Variants in TLCD4 observed in about 807,000 individuals in gnomAD.
TLCD4 encodes TLC domain-containing protein 4.
TLCD4 carries 7 observed loss-of-function variants against 24.2 expected under a neutral mutation model. The observed-to-expected ratio is 0.29, with a 90% CI of 0.16 to 0.54. The LOEUF (loss-of-function observed/expected upper bound fraction) is 0.54. Ranked by LOEUF, TLCD4 falls within the 20% of genes least tolerant of loss-of-function variation. The pLI is 0.95. For missense variants in TLCD4, 259 were observed against 313.9 expected (o/e 0.82, Z 1.32); for synonymous variants, 103 against 106.4 (o/e 0.97, Z 0.20).
At chr1:95,187,778 T>C (rs985188991) in intron 6 of TLCD4, among the ~76,000 whole-genome samples, 1 of 152,042 alleles carries the variant, frequency 6.6e-6, no homozygotes, top group Non-Finnish European at 1.5e-5. Context: ...AATGCCACAG[T>C]CTGGGTGGCT....
intron 6 of TLCD4, among the ~76,000 whole-genome samples, chr1:95,177,884 T>G (rs2101000938): frequency 6.6e-6 from 1 of 152,148 alleles, no homozygotes; most frequent in South Asian, 2.1e-4. Context: ...AGGTTTGGCA[T>G]TAGTGTGTTT....
At chr1:95,149,178 A>G (rs1677427641) in intron 3 of TLCD4, among the ~76,000 whole-genome samples, 1 of 152,158 alleles carries the variant, frequency 6.6e-6, no homozygotes, top group South Asian at 2.1e-4. Context: ...TGTTTGACTC[A>G]TTTGATATCA....
intron 6 of TLCD4, among the ~76,000 whole-genome samples, chr1:95,181,381 A>T (rs1400528526): frequency 6.6e-6 from 1 of 151,794 alleles, no homozygotes; most frequent in African/African-American, 2.4e-5. Context: ...TATGCAATAG[A>T]AAAAAAGTAT....
upstream of TLCD4, chr1:95,117,190 C>A (rs1415775224): frequency 6.6e-6 from 1 of 152,228 alleles, no homozygotes; most frequent in Non-Finnish European, 1.5e-5. Flanking sequence ...CTTCCAGGAT[C>A]TCTCCGCTGC....
chr1:95,174,017 C>G, intron 6 of TLCD4, 128 bp downstream of exon 6: 1 of 1,313,600 alleles, frequency 7.6e-7, no homozygotes, highest in Middle Eastern at 1.9e-4. Context: ...TTGTTATCAC[C>G]ATCATACAAA....
chr1:95,125,531 G>C (rs544366350), intron 1 of TLCD4: 1 of 152,328 alleles, frequency 6.6e-6, no homozygotes, highest in South Asian at 2.1e-4. Context: ...TCAAGAGGAG[G>C]AGGGAAAGAG....
At chr1:95,177,951 G>GTT (rs202047214) in intron 6 of TLCD4, among the ~76,000 whole-genome samples, 1 of 110,510 alleles carries the variant, frequency 9.0e-6, no homozygotes, top group Non-Finnish European at 1.9e-5. Flanking sequence ...TTTTTTTTTT[G>GTT]TTTTTTTTTG....
At chr1:95,115,862 G>A (rs1676419422), upstream of TLCD4, among the ~76,000 whole-genome samples, 1 of 152,180 alleles carries the variant, frequency 6.6e-6, no homozygotes, top group Admixed American at 6.5e-5. Flanking sequence ...AGAGGACACT[G>A]TGAAATTGGT....
At chr1:95,144,883 G>A (rs1480944244) in intron 2 of TLCD4, among the ~76,000 whole-genome samples, 1 of 151,888 alleles carries the variant, frequency 6.6e-6, no homozygotes, top group Non-Finnish European at 1.5e-5. Context: ...TAGAGACAGG[G>A]TTTCACTAGG....
the TLCD4 span, among the ~76,000 whole-genome samples, chr1:95,105,171 G>A: frequency 6.6e-6 from 1 of 152,182 alleles, no homozygotes. Flanking sequence ...ACCAGCCTGG[G>A]AAAAGATCAA....
intron 6 of TLCD4, among the ~76,000 whole-genome samples, chr1:95,178,563 C>CTCTTT (rs1553172494): frequency 2.4e-5 from 2 of 82,360 alleles, no homozygotes; most frequent in African/African-American, 9.9e-5. Flanking sequence ...ATGCCCAGCC[C>CTCTTT]TTTTTTTTTT....
chr1:95,121,624 C>G (rs1007965456), intron 1 of TLCD4, among the ~76,000 whole-genome samples: 4 of 152,216 alleles, frequency 2.6e-5, no homozygotes, highest in Non-Finnish European at 4.4e-5. Context: ...GCACCCGCCA[C>G]CACCCCGGGC....
chr1:95,105,901 A>C, the TLCD4 span, among the ~76,000 whole-genome samples: 2 of 149,904 alleles, frequency 1.3e-5, no homozygotes, highest in Non-Finnish European at 3.0e-5. Flanking sequence ...TCTTAAAAAA[A>C]AAAAAAAAAA....
chr1:95,189,079 G>A (rs747143884), intron 6 of TLCD4, among the ~76,000 whole-genome samples: 14 of 152,036 alleles, frequency 9.2e-5, no homozygotes, highest in Non-Finnish European at 2.1e-4. Flanking sequence ...AAATCTAGCC[G>A]CCTCTTGCTT....
intron 1 of TLCD4, among the ~76,000 whole-genome samples, chr1:95,128,969 T>TG (rs1457369538): frequency 6.6e-6 from 1 of 152,234 alleles, no homozygotes; most frequent in East Asian, 1.9e-4. Context: ...GGTAGCAAGG[T>TG]GGGGCCACCC....
At chr1:95,129,831 A>G (rs1310536329) in intron 1 of TLCD4, among the ~76,000 whole-genome samples, 2 of 152,232 alleles carry the variant, frequency 1.3e-5, no homozygotes, top group African/African-American at 2.4e-5. Flanking sequence ...GGTTCAATTT[A>G]AAAAGCAGTA....
At chr1:95,157,659 G>A (rs1677671442) in intron 5 of TLCD4, among the ~76,000 whole-genome samples, 2 of 152,178 alleles carry the variant, frequency 1.3e-5, no homozygotes, top group South Asian at 4.1e-4. Context: ...TTATCTAAAG[G>A]CTCATTGGTA....
intron 5 of TLCD4, among the ~76,000 whole-genome samples, chr1:95,161,157 A>C (rs1483553021): frequency 1.3e-5 from 2 of 152,140 alleles, no homozygotes; most frequent in Non-Finnish European, 2.9e-5. Flanking sequence ...TTGGTAGGCT[A>C]TTAATTATTG....
At chr1:95,178,735 C>T (rs1456947764) in intron 6 of TLCD4, among the ~76,000 whole-genome samples, 4 of 152,126 alleles carry the variant, frequency 2.6e-5, no homozygotes, top group African/African-American at 9.7e-5. Flanking sequence ...TGACCTTGGA[C>T]AAGTTACTTA....
Sources: allele counts gnomAD v4.1 joint callset (sites outside exome capture counted in the v4.1 genomes callset), GRCh38; gene constraint gnomAD v4.1.1; transcripts MANE v1.5; gene names NCBI Gene and HGNC (gene_info 2026-07-23, HGNC 2026-07-21).